Variants in IL36B observed in about 807,000 individuals in gnomAD.
The protein encoded by IL36B is interleukin 36 beta.
Under a neutral mutation model 19.3 loss-of-function variants are expected in IL36B, and 23 were observed. The ratio of observed to expected loss-of-function variants is 1.19; its 90% confidence interval spans 0.86 to 1.69. IL36B has a LOEUF of 1.69. Ranked by LOEUF, IL36B falls within the 40% of genes most tolerant of loss-of-function variation. The pLI is 0.00. For missense variants in IL36B, 217 were observed against 200.5 expected (o/e 1.08, Z -0.50); for synonymous variants, 59 against 59.7 (o/e 0.99, Z 0.05).
chr2:113,039,359 GCAAC>G (rs1479842666), intron 1 of IL36B, among the ~76,000 whole-genome samples: 1 of 152,166 alleles, frequency 6.6e-6, no homozygotes. Context: ...TCCCACCCCT[GCAAC>G]CACCCTCACC....
At position 113,026,150 on chromosome 2, in the gene IL36B, C is replaced by G. The variant is rs751642273; in HGVS notation, c.344G>C (p.Arg115Thr). 6 of 1,613,832 alleles carry G rather than the reference C, an allele frequency of 3.7e-6. No individual in the cohort carries two copies. In the Admixed American group the frequency reaches 1.0e-4, roughly 27 times the overall value. ...AAGGGTTCCCATGAAGCAGCTCTCT[C>G]TCACATCCAGGTTTATGCATGTGTG... The change falls in exon 5 of 6, where the codon AGA becomes ACA. Residue 115 changes from arginine to threonine, a missense_variant. Arg to Thr is a moderately conservative substitution (Grantham distance 71). Transcript: ENST00000259213.
chr2:113,048,056 CT>C (rs1685378098), intron 1 of IL36B, among the ~76,000 whole-genome samples: 1 of 152,128 alleles, frequency 6.6e-6, no homozygotes, highest in African/African-American at 2.4e-5. Context: ...AGGTAAAAGA[CT>C]GAGATCGTCA....
At chr2:113,027,204 TTGAC>T (rs1395529895) in intron 4 of IL36B, among the ~76,000 whole-genome samples, 2 of 152,152 alleles carry the variant, frequency 1.3e-5, no homozygotes, top group African/African-American at 2.4e-5. Flanking sequence ...TATCTTCACA[TTGAC>T]TGAGGAGAAG....
intron 1 of IL36B, among the ~76,000 whole-genome samples, chr2:113,035,650 T>C (rs1685153970): frequency 6.6e-6 from 1 of 152,030 alleles, no homozygotes; most frequent in Non-Finnish European, 1.5e-5. Context: ...AAAACAAAAA[T>C]ATTTTGATGT....
chr2:113,044,373 G>T (rs1030296715), intron 1 of IL36B, among the ~76,000 whole-genome samples: 1 of 148,000 alleles, frequency 6.8e-6, no homozygotes, highest in African/African-American at 2.5e-5. Context: ...GTTCACTGTA[G>T]CTGTGAACTC....
At chr2:113,029,252 T>C (rs1685024395) in intron 3 of IL36B, among the ~76,000 whole-genome samples, 174 bp from the exon 4 acceptor site, 1 of 152,192 alleles carries the variant, frequency 6.6e-6, no homozygotes, top group African/African-American at 2.4e-5. Flanking sequence ...AGAACCCCAG[T>C]TGTCACCAGG....
At chr2:113,030,761 C>T (rs1480584956) in intron 3 of IL36B, among the ~76,000 whole-genome samples, 1 of 152,158 alleles carries the variant, frequency 6.6e-6, no homozygotes, top group Non-Finnish European at 1.5e-5. Flanking sequence ...AGGAGAGAAA[C>T]TCCAAGGAGA....
intron 1 of IL36B, among the ~76,000 whole-genome samples, chr2:113,049,127 A>G (rs1685398705): frequency 6.6e-6 from 1 of 152,176 alleles, no homozygotes; most frequent in African/African-American, 2.4e-5. Flanking sequence ...CTTATCTTAT[A>G]CCACATAAAA....
chr2:113,022,782 A>G lies in IL36B; in HGVS notation c.392-5T>C, dbSNP rs752174564. On this transcript the variant is annotated splice_polypyrimidine_tract_variant and splice_region_variant and intron_variant, in intron 5 of 5. Coordinates refer to ENST00000259213, the MANE Select transcript of IL36B (RefSeq NM_014438.5). ...AACTCTTCCACTTCTTTCTACCTGC[A>G]GGAAAGGAGAAGTATCTCCTAGGCT... 1.3e-6 allele frequency: 2 copies of G among 1,584,884 alleles called. No homozygotes were observed. The highest frequency in any genetic ancestry group is 3.3e-5 in the Admixed American group (2 of 59,978).
At chr2:113,034,334 T>C (rs1418462911) in intron 1 of IL36B, among the ~76,000 whole-genome samples, 1 of 152,156 alleles carries the variant, frequency 6.6e-6, no homozygotes, top group African/African-American at 2.4e-5. Flanking sequence ...GCTTCTTCCA[T>C]GCATATGCAA....
intron 1 of IL36B, among the ~76,000 whole-genome samples, chr2:113,041,976 T>C (rs1204971898): frequency 6.6e-6 from 1 of 152,180 alleles, no homozygotes; most frequent in South Asian, 2.1e-4. Flanking sequence ...TCAAGGATGC[T>C]GGGAGGCTTT....
In IL36B at chr2:113,022,530, A is replaced by G; in HGVS notation, c.*144T>C. The G allele has an allele frequency of 1.7e-6, 1 of 592,440 alleles. No homozygotes were observed. 36.7% of individuals were successfully genotyped at this position (592,440 alleles called of 1,614,324 possible). On this transcript the variant is annotated 3_prime_UTR_variant, in exon 6 of 6. Transcript: ENST00000259213. The stretch of plus-strand genomic sequence containing the variant: ...TACAGGTAAGATTTACCAACTCTTT[A>G]AAAATACATAGTGTCCTTGTTTTAC...
chr2:113,048,901 A>C (rs1282011926), intron 1 of IL36B, among the ~76,000 whole-genome samples: 1 of 152,242 alleles, frequency 6.6e-6, no homozygotes, highest in Non-Finnish European at 1.5e-5. Context: ...CAGAAGAAGT[A>C]AGTAACCTGA....
chr2:113,027,966 G>A, intron 4 of IL36B: 1 of 1,614,210 alleles, frequency 6.2e-7, no homozygotes, highest in Non-Finnish European at 8.5e-7. Flanking sequence ...TGGTGAGAAA[G>A]ATGGGCTGTC....
intron 1 of IL36B, among the ~76,000 whole-genome samples, chr2:113,037,145 G>A (rs540779971): frequency 6.6e-6 from 1 of 152,194 alleles, no homozygotes; most frequent in Non-Finnish European, 1.5e-5. Context: ...GTGGATCAGC[G>A]ACCACAGTTG....
At chr2:113,026,305 C>A (rs554454182) in intron 4 of IL36B, 3 of 1,593,554 alleles carry the variant, frequency 1.9e-6, no homozygotes, top group Non-Finnish European at 2.6e-6. Context: ...GTTGGTTGCA[C>A]GGCAATGACT....
chr2:113,033,745 T>C (rs1022705411), intron 1 of IL36B, among the ~76,000 whole-genome samples: 1 of 152,188 alleles, frequency 6.6e-6, no homozygotes, highest in African/African-American at 2.4e-5. Context: ...AACACAGTCT[T>C]GCATTCAGTT....
intron 1 of IL36B, among the ~76,000 whole-genome samples, chr2:113,033,394 G>A (rs549937962): frequency 6.6e-6 from 1 of 152,066 alleles, no homozygotes; most frequent in Non-Finnish European, 1.5e-5. Flanking sequence ...GCCACACTGG[G>A]CTAGTTTTTT....
At chr2:113,024,697 G>C (rs908158823) in intron 5 of IL36B, among the ~76,000 whole-genome samples, 1 of 152,294 alleles carries the variant, frequency 6.6e-6, no homozygotes, top group East Asian at 1.9e-4. Context: ...TGTAAGATGG[G>C]CTGGCTGTCT....
Sources: allele counts gnomAD v4.1 joint callset (sites outside exome capture counted in the v4.1 genomes callset), GRCh38; gene constraint gnomAD v4.1.1; transcripts MANE v1.5; gene names NCBI Gene and HGNC (gene_info 2026-07-23, HGNC 2026-07-21).